DNAH3: variants seen among roughly 807,000 people sequenced by gnomAD.
DNAH3 encodes dynein axonemal heavy chain 3, also known as axonemal beta dynein heavy chain 3.
A neutral mutation model predicts 432.5 loss-of-function variants in DNAH3; 332 were observed. The observed-to-expected ratio is 0.77, with a 90% CI of 0.70 to 0.84. The LOEUF (loss-of-function observed/expected upper bound fraction) is 0.84. Among genes scored for constraint, DNAH3 ranks in the 40% least tolerant of loss-of-function variants. The probability of loss-of-function intolerance (pLI) is 0.00; values close to 1 mark genes in which losing one functional copy is unlikely to be tolerated. For synonymous variants in DNAH3, 1,956 were observed against 1,900.2 expected, an observed-to-expected ratio of 1.03 and a Z score of -0.76; for missense variants, 4,861 against 5,114.0, an observed-to-expected ratio of 0.95 and a Z score of 1.51.
chr16:21,021,908 A>C, intron 40 of DNAH3, 63 bp downstream of exon 40: 1 of 1,576,582 alleles, frequency 6.3e-7, no homozygotes. Context: ...ATCTCAAAAA[A>C]AAAAGAAATA....
At chr16:20,978,110 A>G (rs1484525067) in intron 50 of DNAH3, among the ~76,000 whole-genome samples, 3 of 152,222 alleles carry the variant, frequency 2.0e-5, no homozygotes, top group African/African-American at 7.2e-5. Flanking sequence ...TGGCTCTAAG[A>G]ACAAATTAAT....
At chr16:20,985,050 G>C in intron 48 of DNAH3, 6 of 1,594,862 alleles carry the variant, frequency 3.8e-6, no homozygotes, top group Non-Finnish European at 5.1e-6. Flanking sequence ...TCTTCTTACC[G>C]AGGACAATGT....
chr16:21,095,782 T>G (rs1180511495), intron 18 of DNAH3, among the ~76,000 whole-genome samples: 1 of 152,186 alleles, frequency 6.6e-6, no homozygotes, highest in Non-Finnish European at 1.5e-5. Context: ...CTGTTTTTTT[T>G]GAGACAGGGT....
At position 21,032,781 on chromosome 16, in the gene DNAH3, A is replaced by G. The variant is rs546299883; in HGVS notation, c.5197+1193T>C. Among the ~76,000 whole-genome samples the G allele has an allele frequency of 1.2e-3, 187 of 152,212 alleles. 2 individuals are homozygous for G. The South Asian group carries it at 0.015, about 12-fold the overall frequency. On this transcript the variant is annotated intron_variant, in intron 36 of 61. Transcript: ENST00000261383. ...TGAGCCGAGACTGTGCCACTGCACT[A>G]TCTCTAAAAACCATTAAAAATAATT... is the stretch of plus-strand genomic sequence containing the variant.
At chr16:21,098,836 T>C in intron 16 of DNAH3, 67 bp from the exon 17 acceptor site, 5 of 1,512,460 alleles carry the variant, frequency 3.3e-6, no homozygotes, top group Admixed American at 2.1e-5. Context: ...ACATCAGCAC[T>C]GCTTGCCCAT....
rs1332340518 is a variant in DNAH3, at chr16:21,120,800, A to G, written c.1639T>C (p.Cys547Arg). The G allele has an allele frequency of 5.6e-6, 9 of 1,614,030 alleles. No homozygotes were observed. The Admixed American group carries it at 6.7e-5, about 12-fold the overall frequency. ...TCTCCTGGCTCAGCTGCTTTCACAC[A>G]TTGCCGATCAGCAGCAGCAGCAGTG... The change falls in exon 11 of 62, where the codon TGT becomes CGT. Residue 547 changes from cysteine (C) to arginine (R), a missense_variant. By Grantham distance (180) the Cys-to-Arg change is radical. Transcript: ENST00000261383.
intron 6 of DNAH3, among the ~76,000 whole-genome samples, chr16:21,136,087 T>A (rs187399512): frequency 8.6e-4 from 131 of 151,972 alleles, no homozygotes; most frequent in African/African-American, 3.0e-3. Context: ...TCCAGTGGAA[T>A]CAGGGTGGCA....
chr16:20,963,535 T>C lies in DNAH3; in HGVS notation c.10349A>G (p.Tyr3450Cys), dbSNP rs61744658. 1.5e-3 allele frequency: 2,349 copies of C among 1,614,058 alleles called. 35 individuals carry two copies. The African/African-American group carries it at 0.026, about 18-fold the overall frequency. ...CTCCTCATGGGGCCAGGCCGAGTCA[T>C]AGATCAGCTTCCATTCACCCAGGTT... Residue 3450 changes from tyrosine (Y) to cysteine (C), a missense_variant, in exon 53 of 62, where the codon TAT becomes TGT. Physicochemically the swap from Tyr to Cys is radical, Grantham distance 194. Coordinates refer to ENST00000261383, the Ensembl canonical transcript of DNAH3.
At chr16:20,989,582 T>C (rs533222815) in intron 44 of DNAH3, among the ~76,000 whole-genome samples, 2 of 152,348 alleles carry the variant, frequency 1.3e-5, no homozygotes, top group East Asian at 3.9e-4. Context: ...TGGCTTCACC[T>C]AGTGGATCCC....
At chr16:21,081,244 G>T (rs1401837455) in intron 20 of DNAH3, among the ~76,000 whole-genome samples, 1 of 152,028 alleles carries the variant, frequency 6.6e-6, no homozygotes, top group East Asian at 1.9e-4. Flanking sequence ...ATTGGACCAG[G>T]TTTCACACAA....
intron 12 of DNAH3, among the ~76,000 whole-genome samples, chr16:21,116,136 C>G (rs1694341162): frequency 6.6e-6 from 1 of 152,176 alleles, no homozygotes; most frequent in Non-Finnish European, 1.5e-5. Flanking sequence ...TGGGACAGTC[C>G]AGGTTTATAC....
intron 27 of DNAH3, among the ~76,000 whole-genome samples, chr16:21,055,187 C>T (rs955480032): frequency 1.3e-5 from 2 of 151,726 alleles, no homozygotes; most frequent in African/African-American, 4.8e-5. Context: ...TCCCAAATAG[C>T]TAGGACTACA....
At chr16:20,974,354 TTTTG>T (rs1309733283) in intron 51 of DNAH3, among the ~76,000 whole-genome samples, 9 of 151,864 alleles carry the variant, frequency 5.9e-5, no homozygotes, top group Admixed American at 3.9e-4. Context: ...TTTTGTTTTG[TTTTG>T]TTTTTTAGAC....
chr16:21,134,497 G>A (rs770172176), intron 6 of DNAH3, 43 bp from the exon 8 acceptor site: 2 of 1,547,138 alleles, frequency 1.3e-6, no homozygotes, highest in Non-Finnish European at 8.8e-7. Flanking sequence ...AAGCTCTAAG[G>A]GTTGTGCTCT....
chr16:21,062,765 T>A (rs1161477209), intron 24 of DNAH3, 82 bp from the exon 25 acceptor site: 1 of 1,096,076 alleles, frequency 9.1e-7, no homozygotes, highest in Non-Finnish European at 1.3e-6. Context: ...TGACAGGTAG[T>A]CCGCACCTAC....
intron 3 of DNAH3, among the ~76,000 whole-genome samples, chr16:21,142,654 C>T (rs112097421): frequency 3.7e-5 from 5 of 136,376 alleles, no homozygotes. Context: ...TACAAAAATC[C>T]TTTTTTTTTT....
intron 27 of DNAH3, among the ~76,000 whole-genome samples, chr16:21,054,753 G>C (rs536707945): frequency 6.6e-6 from 1 of 152,248 alleles, no homozygotes; most frequent in South Asian, 2.1e-4. Context: ...CATACTGCAT[G>C]ATTTTATTTT....
chr16:21,068,909 T>G (rs858184), intron 23 of DNAH3, among the ~76,000 whole-genome samples: 36,811 of 151,926 alleles, frequency 0.24, 4,746 homozygotes, highest in East Asian at 0.46. Context: ...ATGTTACATA[T>G]TTGTATTTGC....
intron 31 of DNAH3, among the ~76,000 whole-genome samples, chr16:21,049,244 G>A (rs2089852709): frequency 6.6e-6 from 1 of 152,176 alleles, no homozygotes; most frequent in African/African-American, 2.4e-5. Context: ...GATTACAGGT[G>A]TGAGCCTCTG....
Sources: allele counts gnomAD v4.1 joint callset (sites outside exome capture counted in the v4.1 genomes callset), GRCh38; gene constraint gnomAD v4.1.1; transcripts MANE v1.5; gene names NCBI Gene and HGNC (gene_info 2026-07-23, HGNC 2026-07-21).